TMEM269: variants seen among roughly 807,000 people sequenced by gnomAD.
TMEM269 encodes the protein transmembrane protein 269.
In TMEM269, 12 loss-of-function variants were observed where a neutral mutation model predicts 15.8. The observed-to-expected ratio is 0.76, with a 90% CI of 0.49 to 1.23. The LOEUF (loss-of-function observed/expected upper bound fraction) is 1.23, where lower values mean the gene tolerates loss of function less well. TMEM269 is among the 50% of genes most tolerant of loss of function. The pLI is 0.00. For missense variants in TMEM269, 211 were observed against 245.4 expected, an observed-to-expected ratio of 0.86 and a Z score of 0.94; for synonymous variants, 93 against 99.3, an observed-to-expected ratio of 0.94 and a Z score of 0.38.
chr1:42,790,093 C>T (rs1347699671), intron 2 of TMEM269, among the ~76,000 whole-genome samples, 159 bp downstream of exon 2: 1 of 152,168 alleles, frequency 6.6e-6, no homozygotes, highest in Non-Finnish European at 1.5e-5. Context: ...AGATCCCATG[C>T]TCAACGGTAC....
Position 42,798,362 on chromosome 1 carries a change from G to GT in TMEM269, c.*139dup, listed in dbSNP as rs1353957343. 1.1e-5 allele frequency: 13 copies of GT among 1,175,404 alleles called. No homozygotes were observed. In the East Asian group the frequency reaches 3.1e-4, roughly 28 times the overall value. The allele number at this position is 1,175,404 out of a possible 1,614,324, so 72.8% of individuals were successfully genotyped here. A position where few individuals can be genotyped will look rare whatever the true frequency, so the allele number is the denominator to read the frequency against. On this transcript the variant is annotated 3_prime_UTR_variant, in exon 6 of 6. Coordinates refer to ENST00000637012, the MANE Select transcript of TMEM269 (RefSeq NM_001354602.2). ...TATATGGTATGTCTGTTGCCATGAAGTTAGAAACCCAAAGCAGGGTCAGTG... is the reference window on the plus strand; with the variant it reads ...TATATGGTATGTCTGTTGCCATGAAGTTTAGAAACCCAAAGCAGGGTCAGTG...
At chr1:42,790,235 G>T (rs1278752033) in intron 2 of TMEM269, among the ~76,000 whole-genome samples, 3 of 152,160 alleles carry the variant, frequency 2.0e-5, no homozygotes, top group African/African-American at 7.2e-5. Flanking sequence ...ATATGACCTG[G>T]CAGAATATTT....
In TMEM269 at chr1:42,799,486, A is replaced by T. The variant is rs769422925; in HGVS notation, c.*1261A>T. ...AAATAAAAACCCAAAGTAAGATTTG[A>T]CTGTAACAGAATAGACGGTGCCTTC... On this transcript the variant is annotated 3_prime_UTR_variant, in exon 6 of 6. Transcript: ENST00000637012. The T allele has an allele frequency of 3.3e-5, 5 of 152,206 alleles. No individual in the cohort carries two copies. Among genetic ancestry groups the T allele is most frequent in the Non-Finnish European group, 7.3e-5 (5 of 68,042 alleles). 9.4% of individuals were successfully genotyped at this position (152,206 alleles called of 1,614,324 possible).
At chr1:42,796,577 T>C (rs1459457906) in intron 5 of TMEM269, 2 of 149,930 alleles carry the variant, frequency 1.3e-5, no homozygotes, top group Non-Finnish European at 2.9e-5. Context: ...CCGAAAATCA[T>C]ACATACATGG....
chr1:42,792,911 A>G lies in TMEM269; in HGVS notation c.139+9A>G. 6.5e-7 allele frequency: 1 copy of G among 1,543,804 alleles called. No individual in the cohort carries two copies. Among genetic ancestry groups the G allele is most frequent in the Non-Finnish European group, 8.8e-7 (1 of 1,141,094 alleles). ...CATATGCTCCAAATTGGGTGAGTTC[A>G]GGCCCCAGGCCCCTAATCCTTGCCC... On this transcript the variant is annotated intron_variant, in intron 3 of 5. Transcript: ENST00000637012.
chr1:42,793,675 C>A lies in TMEM269; in HGVS notation c.214C>A (p.Leu72Ile). Residue 72 changes from leucine to isoleucine, a missense_variant, in exon 4 of 6, where the codon CTT (leucine) becomes ATT (isoleucine). Leu to Ile is a conservative substitution (Grantham distance 5). Coordinates refer to ENST00000637012, the MANE Select transcript of TMEM269 (RefSeq NM_001354602.2). ...CGCTCTGCTCCTAGGCGTGGATGGA[C>A]TTCTGAGTGGGATCCTGGCCATCAT... Reference protein sequence around the residue: ...ASALLLGVDGLLSGILAIIYV... With the variant: ...ASALLLGVDGILSGILAIIYV... 1 of 1,550,608 alleles carries A rather than the reference C, an allele frequency of 6.4e-7. No individual in the cohort carries two copies.
At chr1:42,792,175 A>T (rs1368932818) in intron 2 of TMEM269, among the ~76,000 whole-genome samples, 1 of 152,172 alleles carries the variant, frequency 6.6e-6, no homozygotes, top group East Asian at 1.9e-4. Flanking sequence ...CAATATCAGA[A>T]ATGAAACAAG....
chr1:42,794,660 T>C (rs1653761647), intron 5 of TMEM269, 47 bp downstream of exon 5: 2 of 1,321,018 alleles, frequency 1.5e-6, no homozygotes, highest in South Asian at 1.3e-5. Context: ...CAGTTGCTTA[T>C]TGCCACTGTA....
Position 42,784,998 on chromosome 1 carries a change from G to T in TMEM269, c.-183G>T, listed in dbSNP as rs1653510682. ...TGAGAGGCGCTCCTCGCTAGGGCTG[G>T]CCCCCTCCACCGCACAGGAAACGGG... is the stretch of plus-strand genomic sequence containing the variant. On this transcript the variant is annotated 5_prime_UTR_variant, in exon 1 of 6. Transcript: ENST00000637012. 6.6e-6 allele frequency: 1 copy of T among 152,564 alleles called. No individual in the cohort carries two copies. The highest frequency in any genetic ancestry group is 2.1e-4 in the South Asian group (1 of 4,840). The allele number at this position is 152,564 out of a possible 1,614,324, so 9.5% of individuals were successfully genotyped here.
chr1:42,791,021 G>A (rs1418333953), intron 2 of TMEM269, among the ~76,000 whole-genome samples: 1 of 152,134 alleles, frequency 6.6e-6, no homozygotes, highest in African/African-American at 2.4e-5. Flanking sequence ...AGCAGGTGCT[G>A]GATGGAGGCA....
At chr1:42,789,397 C>T in intron 1 of TMEM269, 1 of 1,527,848 alleles carries the variant, frequency 6.5e-7, no homozygotes, top group Non-Finnish European at 8.8e-7. Context: ...CTCTCTCAAG[C>T]CAACCCTTCG....
chr1:42,789,275 G>A (rs1192185280), intron 1 of TMEM269: 1 of 619,398 alleles, frequency 1.6e-6, no homozygotes, highest in Non-Finnish European at 2.9e-6. Context: ...TAGGCCTGCT[G>A]TTCTGACTGG....
intron 2 of TMEM269, among the ~76,000 whole-genome samples, 153 bp downstream of exon 2, chr1:42,790,087 C>T (rs377470945): frequency 2.6e-5 from 4 of 152,154 alleles, no homozygotes; most frequent in African/African-American, 9.7e-5. Flanking sequence ...AGGCCAAGAT[C>T]CCATGCTCAA....
intron 1 of TMEM269, chr1:42,789,557 G>A: frequency 6.8e-7 from 1 of 1,471,810 alleles, no homozygotes; most frequent in Non-Finnish European, 9.2e-7. Context: ...TGGAAACTAT[G>A]CTTGTGTTGG....
intron 1 of TMEM269, 31 bp downstream of exon 1, chr1:42,785,113 A>T (rs1182771455): frequency 6.6e-6 from 1 of 152,370 alleles, no homozygotes; most frequent in Non-Finnish European, 1.5e-5. Flanking sequence ...GGAAGGGGCG[A>T]GAAGGGCGCT....
chr1:42,795,687 G>A (rs1054479017), intron 5 of TMEM269, among the ~76,000 whole-genome samples: 1 of 152,208 alleles, frequency 6.6e-6, no homozygotes, highest in Non-Finnish European at 1.5e-5. Flanking sequence ...GGGCCTTGCA[G>A]ACGTCTCCCT....
chr1:42,789,736 G>A (rs1653647193), intron 1 of TMEM269, 60 bp from the exon 2 acceptor site: 2 of 964,522 alleles, frequency 2.1e-6, no homozygotes, highest in Non-Finnish European at 1.6e-6. Flanking sequence ...AGGTCCCTGG[G>A]AGCCTCTTCT....
chr1:42,794,638 A>G lies in TMEM269; in HGVS notation c.484+25A>G, dbSNP rs79411537. The G allele has an allele frequency of 4.8e-3, 7,216 of 1,503,714 alleles. 305 individuals carry two copies. In the African/African-American group the frequency reaches 0.088, roughly 18 times the overall value. 93.1% of individuals were successfully genotyped at this position (1,503,714 alleles called of 1,614,324 possible). A position where few individuals can be genotyped will look rare whatever the true frequency, so the allele number is the denominator to read the frequency against. On this transcript the variant is annotated intron_variant, in intron 5 of 5. Transcript: ENST00000637012. ...GGTGAGTGAAAATGTCACTATGGCCAGTTTGTTATCACAGTTGCTTATTGC... is the reference window on the plus strand; with the variant it reads ...GGTGAGTGAAAATGTCACTATGGCCGGTTTGTTATCACAGTTGCTTATTGC...
chr1:42,789,631 CCT>C, intron 1 of TMEM269, 163 bp from the exon 2 acceptor site: 1 of 912,660 alleles, frequency 1.1e-6, no homozygotes, highest in East Asian at 2.7e-5. Flanking sequence ...GTCTTCACCT[CCT>C]GAGTCTCCTT....
Sources: allele counts gnomAD v4.1 joint callset (sites outside exome capture counted in the v4.1 genomes callset), GRCh38; gene constraint gnomAD v4.1.1; transcripts MANE v1.5; gene names NCBI Gene and HGNC (gene_info 2026-07-23, HGNC 2026-07-21).